Variants in SYNDIG1 observed in about 807,000 individuals in gnomAD.
The protein encoded by SYNDIG1 is synapse differentiation-inducing gene protein 1.
SYNDIG1 carries 9 observed loss-of-function variants against 19.4 expected under a neutral mutation model. The ratio of observed to expected loss-of-function variants is 0.46; its 90% confidence interval spans 0.28 to 0.81. SYNDIG1 has a LOEUF of 0.81. Ranked by LOEUF, SYNDIG1 falls within the 30% of genes least tolerant of loss-of-function variation. The pLI, the probability that SYNDIG1 is intolerant of heterozygous loss-of-function variation, is 0.12. For missense variants in SYNDIG1, 311 were observed against 343.3 expected (o/e 0.91, Z 0.74); for synonymous variants, 141 against 145.9 (o/e 0.97, Z 0.24).
In SYNDIG1 at chr20:24,625,277, A is replaced by T. The variant is rs74832522; in HGVS notation, c.619-40069A>T. ...AAAAGCAAACATAAAAATTGAAGAA[A>T]TCAACACAATTAATAAACCTCTAGC... is the stretch of plus-strand genomic sequence containing the variant. On this transcript the variant is annotated intron_variant, in intron 3 of 3. Coordinates refer to ENST00000376862, the MANE Select transcript of SYNDIG1 (RefSeq NM_024893.3). 1.8e-3 allele frequency among the ~76,000 whole-genome samples: 280 copies of T among 152,312 alleles called. 11 individuals are homozygous for T. The East Asian group carries it at 0.039, about 21-fold the overall frequency.
chr20:24,638,531 G>T (rs913477265), intron 3 of SYNDIG1, among the ~76,000 whole-genome samples: 4 of 152,000 alleles, frequency 2.6e-5, no homozygotes, highest in Admixed American at 2.6e-4. Flanking sequence ...TGAATTTTTT[G>T]TATTTTTTTT....
intron 1 of SYNDIG1, among the ~76,000 whole-genome samples, chr20:24,516,120 A>AAAACTGGCTAGCCATATGTAGACAGCTG (rs2056857382): frequency 1.3e-5 from 2 of 152,244 alleles, no homozygotes. Flanking sequence ...TGGTGCTGGG[A>AAAACTGGCTAGCCATATGTAGACAGCTG]AAACTGGCTA....
intron 3 of SYNDIG1, among the ~76,000 whole-genome samples, chr20:24,627,849 G>A (rs932273997): frequency 2.0e-5 from 3 of 152,262 alleles, no homozygotes; most frequent in Non-Finnish European, 2.9e-5. Context: ...CCTGGGGCAG[G>A]GCCGCCTCTG....
chr20:24,584,100 G>A (rs949932263), intron 2 of SYNDIG1, among the ~76,000 whole-genome samples: 1 of 152,114 alleles, frequency 6.6e-6, no homozygotes, highest in Non-Finnish European at 1.5e-5. Context: ...CCTGCTCCCA[G>A]CACACCCCTT....
At chr20:24,485,017 A>C (rs1263896017) in intron 1 of SYNDIG1, among the ~76,000 whole-genome samples, 2 of 152,120 alleles carry the variant, frequency 1.3e-5, no homozygotes, top group Admixed American at 1.3e-4. Flanking sequence ...GTTATAAAGC[A>C]AGGTTCCTCC....
At position 24,658,727 on chromosome 20, in the gene SYNDIG1, C is replaced by A. The variant is rs35642348; in HGVS notation, c.619-6619C>A. ...GCCCACAAAGTGCACAGCCCGGCAA[C>A]GCCCAGAGCTTCGTTTCAGGCGTTC... On this transcript the variant is annotated intron_variant, in intron 3 of 3. Coordinates refer to ENST00000376862, the MANE Select transcript of SYNDIG1 (RefSeq NM_024893.3). The surrounding 1 kb of genome is among the most constrained non-coding windows in gnomAD (Gnocchi z 4.4). Among the ~76,000 whole-genome samples, 30,765 of 151,762 alleles carry A rather than the reference C, an allele frequency of 0.2. 3,961 individuals are homozygous for A. Among genetic ancestry groups the A allele is most frequent in the East Asian group, 0.57 (2,927 of 5,106 alleles).
At chr20:24,550,944 C>A (rs889705248) in intron 2 of SYNDIG1, among the ~76,000 whole-genome samples, 1 of 152,192 alleles carries the variant, frequency 6.6e-6, no homozygotes, top group African/African-American at 2.4e-5. Flanking sequence ...TGCCTATATT[C>A]ATGAGGGATG....
At chr20:24,576,156 C>A (rs902180623) in intron 2 of SYNDIG1, among the ~76,000 whole-genome samples, 2 of 152,156 alleles carry the variant, frequency 1.3e-5, no homozygotes, top group Non-Finnish European at 2.9e-5. Context: ...GGCATGTTTT[C>A]CCCATTTTCA....
chr20:24,618,340 A>G (rs1403724503), intron 3 of SYNDIG1, among the ~76,000 whole-genome samples: 1 of 36,764 alleles, frequency 2.7e-5, no homozygotes, highest in Non-Finnish European at 5.3e-5. Flanking sequence ...CCAGGGAGCG[A>G]GGAGATCCCG....
chr20:24,566,252 A>C (rs1269707238), intron 2 of SYNDIG1, among the ~76,000 whole-genome samples: 2 of 152,180 alleles, frequency 1.3e-5, no homozygotes, highest in Non-Finnish European at 2.9e-5. Flanking sequence ...AGGAGCAGAG[A>C]AGTCAACTCC....
chr20:24,469,969 G>A (rs1167431476), intron 1 of SYNDIG1, among the ~76,000 whole-genome samples: 1 of 151,964 alleles, frequency 6.6e-6, no homozygotes, highest in African/African-American at 2.4e-5. Flanking sequence ...GAGACACGGG[G>A]TCGCAGGGCG....
In SYNDIG1 at chr20:24,552,722, G is replaced by T. The variant is rs942867892; in HGVS notation, c.480+9145G>T. On this transcript the variant is annotated intron_variant, in intron 2 of 3. Coordinates refer to ENST00000376862, the MANE Select transcript of SYNDIG1 (RefSeq NM_024893.3). ...TCCAGTCTATCATTGTTGGACATTT[G>T]GGTTGGTTCCAAGTCTTTGCTATTG... Among the ~76,000 whole-genome samples, 98 of 152,230 alleles carry T rather than the reference G, an allele frequency of 6.4e-4. 1 individual carries two copies. The highest frequency in any genetic ancestry group is 3.4e-3 in the Middle Eastern group (1 of 294).
At chr20:24,584,760 G>A in intron 2 of SYNDIG1, 96 bp from the exon 3 acceptor site, 1 of 1,568,774 alleles carries the variant, frequency 6.4e-7, no homozygotes, top group Middle Eastern at 1.7e-4. Context: ...GGGAGGGCCT[G>A]CGCCAGCCAG....
chr20:24,545,686 C>G (rs2057562309), intron 2 of SYNDIG1, among the ~76,000 whole-genome samples: 1 of 152,090 alleles, frequency 6.6e-6, no homozygotes, highest in Admixed American at 6.5e-5. Context: ...ACTTGTCTGT[C>G]TTAGTAGGTC....
At chr20:24,613,225 A>C (rs112393886) in intron 3 of SYNDIG1, among the ~76,000 whole-genome samples, 1 of 152,184 alleles carries the variant, frequency 6.6e-6, no homozygotes, top group African/African-American at 2.4e-5. Context: ...ACCCTGGCCA[A>C]CTTACTCCCT....
intron 1 of SYNDIG1, among the ~76,000 whole-genome samples, chr20:24,522,674 C>T (rs1037769732): frequency 2.0e-5 from 3 of 152,074 alleles, no homozygotes; most frequent in African/African-American, 7.2e-5. Context: ...TTTTGTGTTG[C>T]TGTAAGGGAA....
chr20:24,611,328 T>G (rs961983479), intron 3 of SYNDIG1, among the ~76,000 whole-genome samples: 4 of 152,152 alleles, frequency 2.6e-5, no homozygotes, highest in African/African-American at 9.7e-5. Flanking sequence ...ATACCTCCCT[T>G]TTCTCTTGTG....
At chr20:24,511,989 T>G (rs1451829184) in intron 1 of SYNDIG1, among the ~76,000 whole-genome samples, 1 of 151,514 alleles carries the variant, frequency 6.6e-6, no homozygotes, top group African/African-American at 2.4e-5. Flanking sequence ...ATATTCCACC[T>G]TTTACCCTTT....
Position 24,666,564 on chromosome 20 carries a change from TAAC to T in SYNDIG1, c.*1063_*1065del, listed in dbSNP as rs1261832014. The T allele has an allele frequency of 1.3e-5, 2 of 152,648 alleles. No individual in the cohort carries two copies. Among genetic ancestry groups the T allele is most frequent in the Non-Finnish European group, 2.9e-5 (2 of 68,044 alleles). 9.5% of individuals were successfully genotyped at this position (152,648 alleles called of 1,614,324 possible). On this transcript the variant is annotated 3_prime_UTR_variant, in exon 4 of 4. Transcript: ENST00000376862. ...TGCTGTTTTACGAGTGTTCATTACTTAACAAAAAATTATCTTTTAGCTTTTTCG... is the reference window on the plus strand; with the variant it reads ...TGCTGTTTTACGAGTGTTCATTACTTAAAAAATTATCTTTTAGCTTTTTCG...
Sources: gnomAD v4.1 joint callset for allele counts (sites outside exome capture counted in the v4.1 genomes callset) on GRCh38, gnomAD v4.1.1 for gene constraint, Gnocchi (gnomAD v3.1) non-coding constraint, MANE v1.5 for transcripts, NCBI Gene and HGNC (gene_info 2026-07-23, HGNC 2026-07-21) for gene names.